The following TK2 variants were observed in gnomAD, a reference collection of about 807,000 sequenced individuals.
The protein encoded by TK2 is thymidine kinase 2, mitochondrial.
A neutral mutation model predicts 41.9 loss-of-function variants in TK2; 35 were observed. That is an observed-to-expected ratio of 0.84 (90% confidence interval 0.64 to 1.11). TK2 has a LOEUF of 1.11. Ranked by LOEUF, TK2 falls within the 50% of genes least tolerant of loss-of-function variation. TK2 has a pLI of 0.00. For synonymous variants in TK2, 128 were observed against 129.1 expected, an observed-to-expected ratio of 0.99 and a Z score of 0.06; for missense variants, 320 against 351.1, an observed-to-expected ratio of 0.91 and a Z score of 0.71.
At chr16:66,532,346 G>A (rs1269226426) in intron 4 of TK2, among the ~76,000 whole-genome samples, 1 of 152,144 alleles carries the variant, frequency 6.6e-6, no homozygotes, top group Non-Finnish European at 1.5e-5. Context: ...GCTCATGCCT[G>A]TAATCCCAGC....
At chr16:66,537,119 G>C in intron 3 of TK2, 102 bp from the exon 4 acceptor site, 1 of 1,529,994 alleles carries the variant, frequency 6.5e-7, no homozygotes, top group East Asian at 2.3e-5. Flanking sequence ...GAAAAAGAGA[G>C]AAAAAGACTA....
chr16:66,524,424 C>A (rs1043480288), intron 6 of TK2, among the ~76,000 whole-genome samples: 2 of 152,178 alleles, frequency 1.3e-5, no homozygotes, highest in Admixed American at 6.5e-5. Flanking sequence ...CAGCCCTGAC[C>A]TCCTGGGCTC....
rs571474906 is a variant in TK2 at position 66,536,830 on chromosome 16, G to T, written c.285+134C>A. 275 of 1,070,412 alleles carry T rather than the reference G, an allele frequency of 2.6e-4. 1 individual carries two copies. The South Asian group carries it at 3.3e-3, about 13-fold the overall frequency. The allele number at this position is 1,070,412 out of a possible 1,614,324, so 66.3% of individuals were successfully genotyped here. A position where few individuals can be genotyped will look rare whatever the true frequency, so the allele number is the denominator to read the frequency against. On this transcript the variant is annotated intron_variant, in intron 4 of 9. Coordinates refer to ENST00000544898, the MANE Select transcript of TK2 (RefSeq NM_004614.5). Reference sequence around the variant, plus strand: ...ACCAACATGCCACCATTTTCTGCTTGTCCCTCCCTGGTCTTCTCCAACTCA... The same window carrying T: ...ACCAACATGCCACCATTTTCTGCTTTTCCCTCCCTGGTCTTCTCCAACTCA...
At chr16:66,524,962 CA>C (rs1480838560) in intron 6 of TK2, 1 of 152,292 alleles carries the variant, frequency 6.6e-6, no homozygotes, top group Non-Finnish European at 1.5e-5. Context: ...TGCTTGCCCC[CA>C]CACAGCAGGG....
rs560092493 is a variant in TK2, at chr16:66,533,879, G to A, written c.286-2410C>T. Among the ~76,000 whole-genome samples, 95 of 151,688 alleles carry A rather than the reference G, an allele frequency of 6.3e-4. 1 individual carries two copies. Among genetic ancestry groups the A allele is most frequent in the Non-Finnish European group, 1.2e-3 (82 of 67,900 alleles). On this transcript the variant is annotated intron_variant, in intron 4 of 9. Coordinates refer to ENST00000544898, the MANE Select transcript of TK2 (RefSeq NM_004614.5). ...AAAAATTAGCCAGGTGTGGTGGTGGGCGCCTGTAGTCCCAGCTACTCGGGA... is the reference window on the plus strand; with the variant it reads ...AAAAATTAGCCAGGTGTGGTGGTGGACGCCTGTAGTCCCAGCTACTCGGGA...
At chr16:66,533,214 C>T (rs1459801973) in intron 4 of TK2, among the ~76,000 whole-genome samples, 3 of 151,290 alleles carry the variant, frequency 2.0e-5, no homozygotes, top group East Asian at 3.9e-4. Context: ...GGATCACAGG[C>T]ATGCACCACC....
intron 5 of TK2, among the ~76,000 whole-genome samples, chr16:66,530,579 A>G (rs1262978473): frequency 6.6e-6 from 1 of 152,204 alleles, no homozygotes; most frequent in Admixed American, 6.5e-5. Context: ...AGGTTAAATA[A>G]GTGGTTCTCA....
At chr16:66,526,789 C>G (rs1964945689) in intron 6 of TK2, among the ~76,000 whole-genome samples, 2 of 152,184 alleles carry the variant, frequency 1.3e-5, no homozygotes, top group Non-Finnish European at 2.9e-5. Context: ...TGACCCCACA[C>G]AGAACAGGCC....
intron 6 of TK2, among the ~76,000 whole-genome samples, chr16:66,523,792 G>T (rs1964850924): frequency 6.6e-6 from 1 of 152,096 alleles, no homozygotes; most frequent in Non-Finnish European, 1.5e-5. Context: ...TCGCCTGAGT[G>T]ATCCAGCCTG....
At chr16:66,534,792 G>A (rs1965225407) in intron 4 of TK2, among the ~76,000 whole-genome samples, 1 of 152,184 alleles carries the variant, frequency 6.6e-6, no homozygotes, top group Admixed American at 6.5e-5. Flanking sequence ...TCATGCTCCA[G>A]CATACTTGCT....
chr16:66,532,548 T>C (rs1271997296), intron 4 of TK2, among the ~76,000 whole-genome samples: 2 of 151,570 alleles, frequency 1.3e-5, no homozygotes, highest in Non-Finnish European at 2.9e-5. Flanking sequence ...GAGGCTGCAG[T>C]GGGCCGAGAT....
intron 4 of TK2, among the ~76,000 whole-genome samples, chr16:66,536,628 G>A (rs1489815951): frequency 1.3e-5 from 2 of 152,140 alleles, no homozygotes; most frequent in Non-Finnish European, 2.9e-5. Flanking sequence ...TTAGGCCTGA[G>A]AAGTCCCGGG....
At chr16:66,519,544 C>T (rs1173610155) in intron 6 of TK2, among the ~76,000 whole-genome samples, 1 of 152,152 alleles carries the variant, frequency 6.6e-6, no homozygotes, top group African/African-American at 2.4e-5. Context: ...GAAGGAAGAA[C>T]GAGCCAGGGT....
Position 66,511,824 on chromosome 16 carries a change from C to G in TK2, c.*144G>C, listed in dbSNP as rs1964458376. 2 of 735,052 alleles carry G rather than the reference C, an allele frequency of 2.7e-6. No individual in the cohort carries two copies. Among genetic ancestry groups the G allele is most frequent in the Non-Finnish European group, 4.8e-6 (2 of 413,234 alleles). The allele number at this position is 735,052 out of a possible 1,614,324, so 45.5% of individuals were successfully genotyped here. A position where few individuals can be genotyped will look rare whatever the true frequency, so the allele number is the denominator to read the frequency against. On this transcript the variant is annotated 3_prime_UTR_variant, in exon 10 of 10. Transcript: ENST00000544898. ...GGGCCAGAGACGCATGACAAAGACA[C>G]TAGCAAAGGAGATGAGACCATTAGG...
chr16:66,543,329 G>C (rs530611843), intron 2 of TK2, among the ~76,000 whole-genome samples: 2 of 152,302 alleles, frequency 1.3e-5, no homozygotes, highest in African/African-American at 4.8e-5. Context: ...GCACCAGGTA[G>C]CATCCAGACC....
chr16:66,530,966 G>A (rs909069172), intron 5 of TK2, among the ~76,000 whole-genome samples: 4 of 152,028 alleles, frequency 2.6e-5, no homozygotes, highest in Admixed American at 6.6e-5. Flanking sequence ...CAGGTGATCC[G>A]CATGCCTCAG....
At chr16:66,532,616 T>A (rs1315869473) in intron 4 of TK2, among the ~76,000 whole-genome samples, 9 of 149,712 alleles carry the variant, frequency 6.0e-5, no homozygotes, top group Non-Finnish European at 8.9e-5. Flanking sequence ...AAAAAAAAAA[T>A]AAATTAATTA....
At chr16:66,518,167 G>C (rs1407994528) in intron 6 of TK2, 5 of 437,094 alleles carry the variant, frequency 1.1e-5, no homozygotes, top group South Asian at 4.2e-5. Context: ...TTTAAAGCTT[G>C]TACCCTGAGA....
At chr16:66,527,710 G>C (rs540623427) in intron 6 of TK2, among the ~76,000 whole-genome samples, 1 of 152,120 alleles carries the variant, frequency 6.6e-6, no homozygotes, top group Non-Finnish European at 1.5e-5. Context: ...ATACTACAAA[G>C]AAAACTAACA....
Sources: gnomAD v4.1 joint callset for allele counts (sites outside exome capture counted in the v4.1 genomes callset) on GRCh38, gnomAD v4.1.1 for gene constraint, MANE v1.5 for transcripts, NCBI Gene and HGNC (gene_info 2026-07-23, HGNC 2026-07-21) for gene names.